Variants in OVCH1 observed in about 807,000 individuals in gnomAD.
OVCH1 encodes the protein ovochymase 1.
A neutral mutation model predicts 138.4 loss-of-function variants in OVCH1; 139 were observed. That is an observed-to-expected ratio of 1.00 (90% confidence interval 0.87 to 1.16). The LOEUF (loss-of-function observed/expected upper bound fraction) is 1.16, where lower values mean the gene tolerates loss of function less well. OVCH1 is among the 50% of genes most tolerant of loss of function. The pLI is 0.00. For missense variants in OVCH1, 1,367 were observed against 1,357.9 expected, an observed-to-expected ratio of 1.01 and a Z score of -0.11; for synonymous variants, 453 against 467.8, an observed-to-expected ratio of 0.97 and a Z score of 0.41.
chr12:29,475,756 A>C (rs1350172282), intron 13 of OVCH1, among the ~76,000 whole-genome samples: 1 of 152,220 alleles, frequency 6.6e-6, no homozygotes, highest in Non-Finnish European at 1.5e-5. Context: ...TTAAATCTTC[A>C]AACTCAGTAA....
At chr12:29,478,936 T>G in intron 8 of OVCH1, 1 of 1,499,022 alleles carries the variant, frequency 6.7e-7, no homozygotes, top group Non-Finnish European at 9.1e-7. Context: ...GATTATTTTA[T>G]CTTCTGGTAC....
Position 29,445,419 on chromosome 12 carries a change from A to G in OVCH1, c.2756-16T>C. On this transcript the variant is annotated splice_polypyrimidine_tract_variant and intron_variant, in intron 22 of 27. Transcript: ENST00000318184. ...TGTAATCCACCTAGGTTAAAAAGTG[A>G]ACTCTAGTAAAAAATAAGAATGAAA... 1 of 1,588,626 alleles carries G rather than the reference A, an allele frequency of 6.3e-7. No individual in the cohort carries two copies. Among genetic ancestry groups the G allele is most frequent in the South Asian group, 1.1e-5 (1 of 86,984 alleles).
chr12:29,434,591 C>T (rs1941325309), intron 26 of OVCH1, among the ~76,000 whole-genome samples: 1 of 151,902 alleles, frequency 6.6e-6, no homozygotes, highest in Non-Finnish European at 1.5e-5. Flanking sequence ...AATGGACTTA[C>T]CAGAAATACA....
chr12:29,436,884 G>A (rs540713006), intron 26 of OVCH1, among the ~76,000 whole-genome samples: 36 of 152,294 alleles, frequency 2.4e-4, no homozygotes, highest in African/African-American at 4.8e-4. Flanking sequence ...TGTGAAGAGC[G>A]AAAGAACAAA....
intron 11 of OVCH1, 25 bp downstream of exon 11, chr12:29,477,316 G>A: frequency 1.2e-6 from 2 of 1,613,618 alleles, no homozygotes; most frequent in African/African-American, 1.3e-5. Context: ...AAAATGGCAA[G>A]GAATTAAATA....
Sources: allele counts gnomAD v4.1 joint callset (sites outside exome capture counted in the v4.1 genomes callset), GRCh38; gene constraint gnomAD v4.1.1; transcripts MANE v1.5; gene names NCBI Gene and HGNC (gene_info 2026-07-23, HGNC 2026-07-21).